Variants in NAV2 observed in about 807,000 individuals in gnomAD.
NAV2 encodes neuron navigator 2, also known as helicase, APC down-regulated 1.
NAV2 carries 54 observed loss-of-function variants against 223.2 expected under a neutral mutation model. That is an observed-to-expected ratio of 0.24 (90% CI 0.19 to 0.30). The LOEUF is 0.30. Ranked by LOEUF, NAV2 falls within the 10% of genes least tolerant of loss-of-function variation. NAV2 has a pLI of 1.00. For synonymous variants in NAV2, 1,279 were observed against 1,239.3 expected (o/e 1.03, Z -0.67); for missense variants, 2,806 against 3,147.5 (o/e 0.89, Z 2.60).
intron 19 of NAV2, 118 bp from the exon 20 acceptor site, chr11:20,062,189 T>G: frequency 2.1e-4 from 125 of 602,802 alleles, no homozygotes; most frequent in East Asian, 2.9e-4. Flanking sequence ...TGTGTCAAGG[T>G]GAGATTAAGT....
intron 6 of NAV2, among the ~76,000 whole-genome samples, chr11:19,924,832 TTTTG>T: frequency 6.6e-6 from 1 of 152,284 alleles, no homozygotes; most frequent in Middle Eastern, 3.4e-3. Context: ...GGATAATAGT[TTTTG>T]TTTGTTTATT....
At chr11:19,502,315 C>T (rs2042985698) in intron 1 of NAV2, among the ~76,000 whole-genome samples, 1 of 152,162 alleles carries the variant, frequency 6.6e-6, no homozygotes, top group Non-Finnish European at 1.5e-5. Flanking sequence ...TATAATTGCA[C>T]TTACCTCATA....
chr11:20,097,855 C>T, intron 31 of NAV2, 110 bp downstream of exon 31: 1 of 967,298 alleles, frequency 1.0e-6, no homozygotes, highest in Non-Finnish European at 1.5e-6. Flanking sequence ...TATTTGTGGG[C>T]TGCTTGTCTC....
At chr11:19,889,670 C>A (rs1263315993) in intron 5 of NAV2, among the ~76,000 whole-genome samples, 2 of 152,186 alleles carry the variant, frequency 1.3e-5, no homozygotes, top group South Asian at 2.1e-4. Flanking sequence ...TAGCCACTGA[C>A]TCAGTGAAAA....
chr11:19,416,412 A>G (rs1023109125), intron 1 of NAV2, among the ~76,000 whole-genome samples: 1 of 152,224 alleles, frequency 6.6e-6, no homozygotes, highest in Admixed American at 6.5e-5. Context: ...CTCTTCAAGG[A>G]GAACTACAAA....
chr11:19,946,480 C>T lies in NAV2; in HGVS notation c.2226C>T (p.Ser742=). 1.9e-6 allele frequency: 3 copies of T among 1,613,554 alleles called. No individual in the cohort carries two copies. Among genetic ancestry groups the T allele is most frequent in the Non-Finnish European group, 2.5e-6 (3 of 1,179,814 alleles). ...GGCAGAATTTGGAGGAAACCATGTCCAGTTTAAGGGGAACTCAGGTTACAC... is the reference window on the plus strand; with the variant it reads ...GGCAGAATTTGGAGGAAACCATGTCTAGTTTAAGGGGAACTCAGGTTACAC... ...DLRQNLEETM[S]SLRGTQVTHS... The change falls in exon 9 of 38, where the codon TCC becomes TCT. Residue 742 remains serine (S), a synonymous_variant. Coordinates refer to ENST00000349880, the MANE Select transcript of NAV2 (RefSeq NM_145117.5).
At chr11:19,679,830 T>C (rs1338475625) in intron 1 of NAV2, among the ~76,000 whole-genome samples, 1 of 152,228 alleles carries the variant, frequency 6.6e-6, no homozygotes, top group Non-Finnish European at 1.5e-5. Flanking sequence ...TCTTTGGATT[T>C]CCAGTATCTA....
rs776787748 is a variant in NAV2 at position 20,078,065 on chromosome 11, A to G, written c.5140A>G (p.Ile1714Val). The change falls in exon 24 of 38, where the codon ATT (isoleucine) becomes GTT (valine). Residue 1714 changes from isoleucine to valine, a missense_variant. Ile to Val is a conservative substitution (Grantham distance 29). This residue lies in a region of NAV2 where 824 missense variants were observed against 1,069.4 expected (regional missense o/e 0.77). Transcript: ENST00000349880. ...ACAGAACGCAGCTGCCCAGGCTGCC[A>G]TTAATGGAGTAATTAACACACCTGA... is the stretch of plus-strand genomic sequence containing the variant. The part of the protein sequence containing the change: ...KKQNAAAQAA[I>V]NGVINTPELN... 3.7e-6 allele frequency: 6 copies of G among 1,613,362 alleles called. No individual in the cohort carries two copies. The South Asian group carries it at 5.5e-5, about 15-fold the overall frequency.
At chr11:19,571,059 T>C (rs2045411153) in intron 1 of NAV2, among the ~76,000 whole-genome samples, 1 of 152,098 alleles carries the variant, frequency 6.6e-6, no homozygotes, top group Non-Finnish European at 1.5e-5. Context: ...GATTAATAGA[T>C]AAACAAAGTA....
intron 6 of NAV2, among the ~76,000 whole-genome samples, chr11:19,932,186 G>C (rs553563325): frequency 8.2e-6 from 1 of 122,490 alleles, no homozygotes; most frequent in Non-Finnish European, 1.6e-5. Flanking sequence ...CAGATAACCT[G>C]TGTGTTTTCT....
At chr11:19,677,061 T>G (rs2048735201) in intron 1 of NAV2, among the ~76,000 whole-genome samples, 1 of 152,196 alleles carries the variant, frequency 6.6e-6, no homozygotes, top group African/African-American at 2.4e-5. Flanking sequence ...AGAAAAAGGC[T>G]ATCAACTTGG....
chr11:20,093,167 G>C lies in NAV2; in HGVS notation c.5884G>C (p.Val1962Leu). The part of the protein sequence containing the change: ...KEGGRHVKIV[V>L]SFQEEMKWKE... ...AGGAGGCAGGCATGTTAAGATAGTT[G>C]TCAGCTTTCAGGAGGAAATGAAGTG... The change falls in exon 29 of 38, where the codon GTC (valine) becomes CTC (leucine). Residue 1962 changes from valine to leucine, a missense_variant. This residue lies in a region of NAV2 where 824 missense variants were observed against 1,069.4 expected (regional missense o/e 0.77). Coordinates refer to ENST00000349880, the MANE Select transcript of NAV2 (RefSeq NM_145117.5). 6.2e-7 allele frequency: 1 copy of C among 1,614,012 alleles called. No homozygotes were observed. The highest frequency in any genetic ancestry group is 8.5e-7 in the Non-Finnish European group (1 of 1,179,940).
At chr11:20,039,543 T>A (rs2056721710) in intron 12 of NAV2, among the ~76,000 whole-genome samples, 1 of 152,200 alleles carries the variant, frequency 6.6e-6, no homozygotes, top group Admixed American at 6.5e-5. Context: ...GTTGACTACG[T>A]TCTTAATATA....
chr11:19,958,787 A>G (rs1402608006), intron 10 of NAV2, among the ~76,000 whole-genome samples: 4 of 152,228 alleles, frequency 2.6e-5, no homozygotes, highest in South Asian at 2.1e-4. Flanking sequence ...AGGCAGACCA[A>G]TAGCCTAAGG....
chr11:19,635,249 G>C (rs1463546685), intron 1 of NAV2, among the ~76,000 whole-genome samples: 2 of 152,196 alleles, frequency 1.3e-5, no homozygotes, highest in Non-Finnish European at 2.9e-5. Context: ...TAGGGAGTTT[G>C]AATTTTATCC....
At chr11:19,600,895 C>T (rs536351379) in intron 1 of NAV2, among the ~76,000 whole-genome samples, 1 of 152,344 alleles carries the variant, frequency 6.6e-6, no homozygotes, top group Admixed American at 6.5e-5. Flanking sequence ...CTCAGGCTTT[C>T]TGCAGCAGCA....
chr11:19,623,067 T>C (rs1006717301), intron 1 of NAV2, among the ~76,000 whole-genome samples: 1 of 152,228 alleles, frequency 6.6e-6, no homozygotes, highest in African/African-American at 2.4e-5. Context: ...GAAAACTCTT[T>C]TCTTTAAGAA....
At chr11:19,681,483 G>A (rs900302521) in intron 1 of NAV2, among the ~76,000 whole-genome samples, 4 of 152,192 alleles carry the variant, frequency 2.6e-5, no homozygotes, top group Non-Finnish European at 5.9e-5. Flanking sequence ...GAAATGGCTA[G>A]CTGAGTTGAG....
intron 1 of NAV2, among the ~76,000 whole-genome samples, chr11:19,761,217 A>C (rs1248767543): frequency 6.6e-6 from 1 of 152,134 alleles, no homozygotes; most frequent in East Asian, 1.9e-4. Flanking sequence ...TCACTCATTT[A>C]TCTTCTTTTT....
Sources: allele counts gnomAD v4.1 joint callset (sites outside exome capture counted in the v4.1 genomes callset), GRCh38; gene constraint gnomAD v4.1.1; regional missense constraint gnomAD v4.1.1; transcripts MANE v1.5; gene names NCBI Gene and HGNC (gene_info 2026-07-23, HGNC 2026-07-21).